Variants in AKAP19 observed in about 807,000 individuals in gnomAD.
AKAP19 encodes small A-kinase anchoring protein.
At chr2:189,987,826 G>A in the AKAP19 span, among the ~76,000 whole-genome samples, 3 of 152,116 alleles carry the variant, frequency 2.0e-5, no homozygotes, top group Non-Finnish European at 4.4e-5. Flanking sequence ...ACCACCCAAG[G>A]GGTTCACCTT....
chr2:190,150,870 A>G, the AKAP19 span, among the ~76,000 whole-genome samples: 1 of 149,464 alleles, frequency 6.7e-6, no homozygotes, highest in Admixed American at 6.7e-5. Context: ...GGAGTTTTGG[A>G]TTTTGCCAGA....
chr2:190,102,913 T>C, the AKAP19 span, among the ~76,000 whole-genome samples: 1 of 151,824 alleles, frequency 6.6e-6, no homozygotes, highest in African/African-American at 2.4e-5. Flanking sequence ...CAGGCCAATA[T>C]CCCTGATGAA....
chr2:190,074,458 C>T, the AKAP19 span, among the ~76,000 whole-genome samples: 1 of 152,040 alleles, frequency 6.6e-6, no homozygotes, highest in East Asian at 1.9e-4. Context: ...CAAGACCATC[C>T]TGGCCAACAT....
At chr2:190,062,421 T>C in the AKAP19 span, 1 of 1,613,548 alleles carries the variant, frequency 6.2e-7, no homozygotes. Context: ...ACTGAGGATT[T>C]GTATCTTAAT....
chr2:190,165,540 T>C, the AKAP19 span, among the ~76,000 whole-genome samples: 1 of 152,000 alleles, frequency 6.6e-6, no homozygotes, highest in East Asian at 1.9e-4. Flanking sequence ...ATGAGCTAAG[T>C]TGAGAATTAG....
the AKAP19 span, among the ~76,000 whole-genome samples, chr2:190,055,429 T>C: frequency 2.6e-5 from 4 of 152,034 alleles, no homozygotes; most frequent in Non-Finnish European, 5.9e-5. Flanking sequence ...TGTATACATA[T>C]GTAACAAACC....
the AKAP19 span, among the ~76,000 whole-genome samples, chr2:190,082,932 C>T: frequency 6.6e-6 from 1 of 152,272 alleles, no homozygotes; most frequent in East Asian, 1.9e-4. Flanking sequence ...TAAAACTTAA[C>T]ACTTTTTAAA....
the AKAP19 span, among the ~76,000 whole-genome samples, chr2:189,984,259 C>A: frequency 6.6e-6 from 1 of 152,144 alleles, no homozygotes; most frequent in Non-Finnish European, 1.5e-5. Context: ...TCTGCAATCT[C>A]GACCATAAGA....
At chr2:190,043,739 G>T in the AKAP19 span, among the ~76,000 whole-genome samples, 3 of 152,186 alleles carry the variant, frequency 2.0e-5, no homozygotes, top group African/African-American at 4.8e-5. Context: ...GAGAACTGGT[G>T]CAGTCGTTTG....
chr2:190,027,153 C>T, the AKAP19 span, among the ~76,000 whole-genome samples: 1 of 152,174 alleles, frequency 6.6e-6, no homozygotes, highest in South Asian at 2.1e-4. Context: ...TTATACCCAA[C>T]ACCATTTGTT....
At chr2:190,154,766 G>C in the AKAP19 span, among the ~76,000 whole-genome samples, 1 of 152,180 alleles carries the variant, frequency 6.6e-6, no homozygotes, top group Non-Finnish European at 1.5e-5. Context: ...TGGCAGTCTA[G>C]ATTCAAAGAG....
the AKAP19 span, among the ~76,000 whole-genome samples, chr2:190,171,014 C>T: frequency 2.6e-5 from 4 of 152,076 alleles, no homozygotes; most frequent in African/African-American, 4.8e-5. Flanking sequence ...CTGATGGGCT[C>T]CCAGGAACTG....
chr2:190,038,329 T>C, the AKAP19 span, among the ~76,000 whole-genome samples: 13 of 152,232 alleles, frequency 8.5e-5, no homozygotes, highest in Admixed American at 8.5e-4. Context: ...CCCTCTTGGA[T>C]ACCTGGTGGT....
chr2:190,117,821 T>G, the AKAP19 span, among the ~76,000 whole-genome samples: 1 of 152,216 alleles, frequency 6.6e-6, no homozygotes, highest in African/African-American at 2.4e-5. Context: ...GAAGACAGAC[T>G]CTTTGGATCC....
the AKAP19 span, chr2:190,062,540 A>C: frequency 1.2e-6 from 2 of 1,613,280 alleles, no homozygotes; most frequent in Non-Finnish European, 8.5e-7. Context: ...GATCCACTGG[A>C]CCAGCAACAA....
At chr2:189,900,797 G>A in the AKAP19 span, among the ~76,000 whole-genome samples, 1 of 152,166 alleles carries the variant, frequency 6.6e-6, no homozygotes, top group Admixed American at 6.6e-5. Flanking sequence ...GTATGAAAAT[G>A]CGTTGCAAGG....
chr2:189,945,328 TA>T, the AKAP19 span, among the ~76,000 whole-genome samples: 1 of 152,116 alleles, frequency 6.6e-6, no homozygotes, highest in Non-Finnish European at 1.5e-5. Context: ...GGCTAGAAAC[TA>T]AAGGCCAATA....
the AKAP19 span, among the ~76,000 whole-genome samples, chr2:189,959,123 T>C: frequency 6.6e-6 from 1 of 152,116 alleles, no homozygotes; most frequent in Non-Finnish European, 1.5e-5. Flanking sequence ...TTGTTATTCA[T>C]ATGTTATATA....
the AKAP19 span, among the ~76,000 whole-genome samples, chr2:190,135,138 A>G: frequency 6.6e-6 from 1 of 152,202 alleles, no homozygotes; most frequent in Non-Finnish European, 1.5e-5. Flanking sequence ...TTCGGCATGA[A>G]TAATTTTAGG....
Sources: allele counts gnomAD v4.1 joint callset (sites outside exome capture counted in the v4.1 genomes callset), GRCh38; gene constraint gnomAD v4.1.1; transcripts MANE v1.5; gene names NCBI Gene and HGNC (gene_info 2026-07-23, HGNC 2026-07-21).